The following PI4KA variants were observed in gnomAD, a reference collection of about 807,000 sequenced individuals.
The protein encoded by PI4KA is PI4-kinase alpha.
A neutral mutation model predicts 271.4 loss-of-function variants in PI4KA; 122 were observed. The observed-to-expected ratio is 0.45, with a 90% CI of 0.39 to 0.52. PI4KA has a LOEUF of 0.52. PI4KA is among the 20% of genes least tolerant of loss of function. The pLI, the probability that PI4KA is intolerant of heterozygous loss-of-function variation, is 0.00. For missense variants in PI4KA, 1,969 were observed against 2,769.1 expected (o/e 0.71, Z 6.48); for synonymous variants, 1,041 against 1,078.8 (o/e 0.96, Z 0.69).
At chr22:20,746,425 T>A (rs777002664) in intron 29 of PI4KA, among the ~76,000 whole-genome samples, 5 of 152,164 alleles carry the variant, frequency 3.3e-5, no homozygotes, top group Non-Finnish European at 7.4e-5. Context: ...CATCAAATTT[T>A]CTGGGGAAAA....
chr22:20,778,355 T>G (rs764819667), intron 19 of PI4KA, among the ~76,000 whole-genome samples: 8 of 151,866 alleles, frequency 5.3e-5, no homozygotes, highest in Non-Finnish European at 1.0e-4. Context: ...AATACAAAAA[T>G]TAACCAGGCG....
At chr22:20,812,266 T>C (rs541397905) in intron 8 of PI4KA, among the ~76,000 whole-genome samples, 2 of 152,240 alleles carry the variant, frequency 1.3e-5, no homozygotes, top group Non-Finnish European at 2.9e-5. Flanking sequence ...TCCTAGCCTA[T>C]TTAGTAATTC....
At chr22:20,851,957 T>C (rs1927035261) in intron 1 of PI4KA, among the ~76,000 whole-genome samples, 1 of 152,054 alleles carries the variant, frequency 6.6e-6, no homozygotes, top group Non-Finnish European at 1.5e-5. Flanking sequence ...ACCCTGTCTC[T>C]ACTAAAAATA....
chr22:20,726,003 T>A (rs1041556693), intron 42 of PI4KA, among the ~76,000 whole-genome samples: 1 of 151,452 alleles, frequency 6.6e-6, no homozygotes, highest in Admixed American at 6.6e-5. Flanking sequence ...CCAGAATTCA[T>A]GTTTTTTGTT....
chr22:20,858,803 G>A lies in PI4KA; in HGVS notation c.-78C>T. 1.5e-6 allele frequency: 2 copies of A among 1,361,652 alleles called. No individual in the cohort carries two copies. Among genetic ancestry groups the A allele is most frequent in the Non-Finnish European group, 1.9e-6 (2 of 1,056,828 alleles). 84.3% of individuals were successfully genotyped at this position (1,361,652 alleles called of 1,614,324 possible). A position where few individuals can be genotyped will look rare whatever the true frequency, so the allele number is the denominator to read the frequency against. On this transcript the variant is annotated 5_prime_UTR_variant, in exon 1 of 55. Coordinates refer to ENST00000255882, the MANE Select transcript of PI4KA (RefSeq NM_058004.4). The stretch of plus-strand genomic sequence containing the variant: ...CGCCCGACCTCAGGGCGCAGGCGTA[G>A]GTGCATCCGGCTTTCCCGCCACGTG...
chr22:20,780,358 A>C (rs185575799), intron 19 of PI4KA, among the ~76,000 whole-genome samples: 2 of 152,362 alleles, frequency 1.3e-5, no homozygotes, highest in South Asian at 4.1e-4. Flanking sequence ...GGCCAAGCTG[A>C]AGTGACAGTA....
intron 1 of PI4KA, among the ~76,000 whole-genome samples, chr22:20,840,676 T>C (rs1457011767): frequency 6.6e-6 from 1 of 152,106 alleles, no homozygotes; most frequent in Non-Finnish European, 1.5e-5. Context: ...GACTTGATGA[T>C]GGACAGGATA....
chr22:20,819,079 C>T (rs1922226992), intron 6 of PI4KA, among the ~76,000 whole-genome samples: 1 of 152,170 alleles, frequency 6.6e-6, no homozygotes, highest in Non-Finnish European at 1.5e-5. Context: ...TTGGTTTTTA[C>T]ACTATTTATT....
intron 2 of PI4KA, among the ~76,000 whole-genome samples, chr22:20,836,101 AC>A (rs1789787254): frequency 7.5e-6 from 1 of 132,766 alleles, no homozygotes; most frequent in South Asian, 2.4e-4. Context: ...CAACAAAAAA[AC>A]ATGGCAGAAG....
At chr22:20,737,665 CTT>C (rs1426777152) in intron 32 of PI4KA, among the ~76,000 whole-genome samples, 4 of 149,944 alleles carry the variant, frequency 2.7e-5, no homozygotes, top group South Asian at 2.1e-4. Flanking sequence ...GAGTTTCGCT[CTT>C]GTTGCCCAGG....
intron 23 of PI4KA, among the ~76,000 whole-genome samples, chr22:20,758,512 T>C (rs963150167): frequency 1.5e-4 from 22 of 150,854 alleles, no homozygotes; most frequent in African/African-American, 5.1e-4. Flanking sequence ...GTATGTTTTA[T>C]GTGTGGCCCA....
intron 3 of PI4KA, among the ~76,000 whole-genome samples, chr22:20,825,681 A>G (rs1923314501): frequency 6.6e-6 from 1 of 152,192 alleles, no homozygotes; most frequent in Admixed American, 6.5e-5. Flanking sequence ...ATGTTACCAG[A>G]AATGATGAAA....
chr22:20,783,942 C>T, intron 19 of PI4KA: 1 of 1,614,148 alleles, frequency 6.2e-7, no homozygotes, highest in Non-Finnish European at 8.5e-7. Flanking sequence ...GGAACCTTCT[C>T]ATAACAGCCT....
chr22:20,729,725 CA>C lies in PI4KA; in HGVS notation c.4409-15del. The C allele has an allele frequency of 6.3e-7, 1 of 1,589,908 alleles. No individual in the cohort carries two copies. Among genetic ancestry groups the C allele is most frequent in the Non-Finnish European group, 8.6e-7 (1 of 1,166,068 alleles). On this transcript the variant is annotated splice_polypyrimidine_tract_variant and intron_variant, in intron 37 of 54. Transcript: ENST00000255882. ...TCTTAGACATGCCTAGGAGGAAAGA[CA>C]AAGCACAGGTGTAGTCCTCAGATGC...
intron 10 of PI4KA, among the ~76,000 whole-genome samples, chr22:20,806,919 A>G (rs1355941744): frequency 6.6e-6 from 1 of 151,868 alleles, no homozygotes; most frequent in Non-Finnish European, 1.5e-5. Flanking sequence ...TTTTTAGTAG[A>G]GACAGGGTTT....
At chr22:20,729,181 G>T in intron 39 of PI4KA, 132 bp downstream of exon 39, 1 of 733,566 alleles carries the variant, frequency 1.4e-6, no homozygotes, top group Non-Finnish European at 2.2e-6. Context: ...GGGGCTCGAG[G>T]ACTAGACTAC....
chr22:20,790,446 A>G (rs1934555223), intron 19 of PI4KA, among the ~76,000 whole-genome samples: 1 of 152,142 alleles, frequency 6.6e-6, no homozygotes, highest in Non-Finnish European at 1.5e-5. Flanking sequence ...GGATCACTTG[A>G]AACCAGGAGT....
chr22:20,779,192 G>A (rs774531217), intron 19 of PI4KA: 22 of 1,588,758 alleles, frequency 1.4e-5, no homozygotes, highest in African/African-American at 1.2e-4. Context: ...AATGCTGTGA[G>A]GGCCTCTTCC....
chr22:20,710,455 G>T, intron 52 of PI4KA: 2 of 574,444 alleles, frequency 3.5e-6, no homozygotes, highest in Non-Finnish European at 6.3e-6. Context: ...TGCCCAGAAA[G>T]GGAGAGCCCA....
Sources: allele counts gnomAD v4.1 joint callset (sites outside exome capture counted in the v4.1 genomes callset), GRCh38; gene constraint gnomAD v4.1.1; transcripts MANE v1.5; gene names NCBI Gene and HGNC (gene_info 2026-07-23, HGNC 2026-07-21).